Variants in WAC observed in about 807,000 individuals in gnomAD.
WAC encodes the protein WW domain containing adaptor with coiled-coil, also known as WW domain-containing adapter protein with coiled-coil.
Under a neutral mutation model 79.6 loss-of-function variants are expected in WAC, and 11 were observed. The observed-to-expected ratio is 0.14, with a 90% CI of 0.09 to 0.23. The LOEUF is 0.23. WAC is among the 10% of genes least tolerant of loss of function. WAC has a pLI of 1.00. For synonymous variants in WAC, 304 were observed against 276.9 expected (o/e 1.10, Z -0.97); for missense variants, 728 against 773.5 (o/e 0.94, Z 0.70).
chr10:28,552,794 G>A (rs1352726988), intron 3 of WAC, among the ~76,000 whole-genome samples: 8 of 142,110 alleles, frequency 5.6e-5, no homozygotes, highest in African/African-American at 1.6e-4. Context: ...GGATGTTGTC[G>A]TTTTTATTTT....
intron 1 of WAC, 65 bp downstream of exon 1, chr10:28,533,685 C>G (rs1174846555): frequency 6.7e-7 from 1 of 1,488,688 alleles, no homozygotes; most frequent in South Asian, 1.2e-5. Context: ...GCTGTTCCTC[C>G]TTATCTGGAG....
intron 3 of WAC, among the ~76,000 whole-genome samples, chr10:28,548,762 A>G (rs1008858123): frequency 1.3e-5 from 2 of 152,324 alleles, no homozygotes; most frequent in Admixed American, 1.3e-4. Flanking sequence ...CAACTCTATC[A>G]AATAGAATAT....
At chr10:28,537,493 C>T (rs891936595) in intron 3 of WAC, 3 of 152,182 alleles carry the variant, frequency 2.0e-5, no homozygotes, top group South Asian at 4.1e-4. Flanking sequence ...GACTATGATC[C>T]AGTTTATCCC....
rs144156351 is a variant in WAC, at chr10:28,602,743, G to A, written c.920-5443G>A. On this transcript the variant is annotated intron_variant, in intron 7 of 13. Transcript: ENST00000354911. ...ATGCTCTTTACAGTAGTTTGCAAGG[G>A]TACCTATAACAAGAGTTGAAGTGAT... is the stretch of plus-strand genomic sequence containing the variant. Among the ~76,000 whole-genome samples, 417 of 152,262 alleles carry A rather than the reference G, an allele frequency of 2.7e-3. 3 individuals carry two copies. Among genetic ancestry groups the A allele is most frequent in the African/African-American group, 9.5e-3 (395 of 41,542 alleles).
At chr10:28,593,723 ACT>A (rs1292120954) in intron 6 of WAC, among the ~76,000 whole-genome samples, 4 of 117,390 alleles carry the variant, frequency 3.4e-5, no homozygotes, top group East Asian at 2.6e-4. Flanking sequence ...CTCCAGTGAG[ACT>A]CTCTCAAAAA....
At chr10:28,539,182 C>T (rs1589122178) in intron 3 of WAC, among the ~76,000 whole-genome samples, 1 of 152,074 alleles carries the variant, frequency 6.6e-6, no homozygotes, top group Non-Finnish European at 1.5e-5. Flanking sequence ...CAGCATTTTT[C>T]AGTAATTACT....
intron 2 of WAC, 135 bp from the exon 3 acceptor site, chr10:28,535,427 G>T: frequency 1.9e-6 from 2 of 1,038,794 alleles, no homozygotes; most frequent in Non-Finnish European, 1.3e-6. Flanking sequence ...AAAGAGTAAA[G>T]CAGAATTGAA....
intron 4 of WAC, among the ~76,000 whole-genome samples, chr10:28,585,874 TA>T (rs1485243046): frequency 6.6e-6 from 1 of 152,174 alleles, no homozygotes; most frequent in African/African-American, 2.4e-5. Flanking sequence ...GCAGTGGGTT[TA>T]ACCCAGTGAA....
Position 28,574,283 on chromosome 10 carries a change from G to T in WAC, c.275-9116G>T, listed in dbSNP as rs532687916. On this transcript the variant is annotated intron_variant, in intron 3 of 13. Coordinates refer to ENST00000354911, the MANE Select transcript of WAC (RefSeq NM_016628.5). ...CTGCCTCTGCCTCCCAAGTAGCTGGGATTACAGGCATGCGTCACCACACCT... is the reference window on the plus strand; with the variant it reads ...CTGCCTCTGCCTCCCAAGTAGCTGGTATTACAGGCATGCGTCACCACACCT... Among the ~76,000 whole-genome samples, 7 of 152,248 alleles carry T rather than the reference G, an allele frequency of 4.6e-5. No homozygotes were observed. The South Asian group carries it at 1.5e-3, about 32-fold the overall frequency.
At chr10:28,556,755 A>ATCCAATTTCATTCT (rs1030398691) in intron 3 of WAC, among the ~76,000 whole-genome samples, 3 of 152,028 alleles carry the variant, frequency 2.0e-5, no homozygotes, top group African/African-American at 7.2e-5. Flanking sequence ...TACAACAAGG[A>ATCCAATTTCATTCT]TCCAATTTCA....
At chr10:28,604,636 A>G (rs1204385010) in intron 7 of WAC, among the ~76,000 whole-genome samples, 2 of 152,216 alleles carry the variant, frequency 1.3e-5, no homozygotes, top group African/African-American at 4.8e-5. Flanking sequence ...CAGGAGAATC[A>G]CTTGAACCCG....
chr10:28,553,261 A>AGAT (rs147553314), intron 3 of WAC, among the ~76,000 whole-genome samples: 5 of 46,534 alleles, frequency 1.1e-4, no homozygotes, highest in African/African-American at 4.8e-4. Context: ...ATTTGTTTAC[A>AGAT]AATTTTGTTT....
At chr10:28,536,446 C>T (rs372331067) in intron 3 of WAC, among the ~76,000 whole-genome samples, 5 of 152,104 alleles carry the variant, frequency 3.3e-5, no homozygotes, top group African/African-American at 1.2e-4. Context: ...AATCTGTTTT[C>T]TAATTACAAT....
chr10:28,581,126 A>G (rs1839510857), intron 3 of WAC, among the ~76,000 whole-genome samples: 1 of 151,620 alleles, frequency 6.6e-6, no homozygotes. Flanking sequence ...TTGGTGAGTT[A>G]TATAGGTACT....
At chr10:28,610,635 G>C in intron 8 of WAC, 64 bp from the exon 9 acceptor site, 1 of 1,491,676 alleles carries the variant, frequency 6.7e-7, no homozygotes, top group Non-Finnish European at 8.9e-7. Context: ...TCCTTGTCAG[G>C]TTGTTACTAA....
intron 3 of WAC, among the ~76,000 whole-genome samples, chr10:28,539,386 G>A (rs1836876128): frequency 6.6e-6 from 1 of 152,080 alleles, no homozygotes; most frequent in Non-Finnish European, 1.5e-5. Flanking sequence ...TTATCCATTA[G>A]GATTTATTAA....
chr10:28,574,424 A>G (rs1839139305), intron 3 of WAC, among the ~76,000 whole-genome samples: 2 of 152,026 alleles, frequency 1.3e-5, no homozygotes, highest in Non-Finnish European at 2.9e-5. Context: ...CTGAGCTTAC[A>G]GGAGTGAGCC....
intron 3 of WAC, among the ~76,000 whole-genome samples, chr10:28,579,033 A>G (rs1388149668): frequency 6.6e-6 from 1 of 152,140 alleles, no homozygotes; most frequent in Admixed American, 6.6e-5. Context: ...GTCATTCCCA[A>G]TAGCATCCTT....
chr10:28,572,533 T>C (rs1342004890), intron 3 of WAC, among the ~76,000 whole-genome samples: 3 of 152,006 alleles, frequency 2.0e-5, no homozygotes, highest in African/African-American at 7.3e-5. Flanking sequence ...TACTCTTGGC[T>C]GGGTGTGGTG....
Sources: gnomAD v4.1 joint callset for allele counts (sites outside exome capture counted in the v4.1 genomes callset) on GRCh38, gnomAD v4.1.1 for gene constraint, MANE v1.5 for transcripts, NCBI Gene and HGNC (gene_info 2026-07-23, HGNC 2026-07-21) for gene names.